The following MAST2 variants were observed in gnomAD, a reference collection of about 807,000 sequenced individuals.
The protein encoded by MAST2 is microtubule associated serine/threonine kinase 2, also known as microtubule-associated serine/threonine-protein kinase 2.
MAST2 carries 70 observed loss-of-function variants against 147.4 expected under a neutral mutation model. The observed-to-expected ratio is 0.47, with a 90% CI of 0.39 to 0.58. MAST2 has a LOEUF of 0.58. Among genes scored for constraint, MAST2 ranks in the 20% least tolerant of loss-of-function variants. The pLI, the probability that MAST2 is intolerant of heterozygous loss-of-function variation, is 0.00. For missense variants in MAST2, 2,080 were observed against 2,302.3 expected, an observed-to-expected ratio of 0.90 and a Z score of 1.98; for synonymous variants, 869 against 896.8, an observed-to-expected ratio of 0.97 and a Z score of 0.55.
intron 6 of MAST2, 104 bp from the exon 7 acceptor site, chr1:46,002,701 C>T: frequency 1.1e-6 from 1 of 910,054 alleles, no homozygotes; most frequent in Non-Finnish European, 1.8e-6. Context: ...AGGAGGAGCC[C>T]TACAGTGAAT....
intron 1 of MAST2, among the ~76,000 whole-genome samples, chr1:45,817,881 A>G (rs148663349): frequency 5.9e-5 from 9 of 152,302 alleles, no homozygotes; most frequent in African/African-American, 1.9e-4. Flanking sequence ...AATAGGAACC[A>G]TTACAATCAA....
intron 3 of MAST2, chr1:45,847,160 A>G (rs1645463650): frequency 2.0e-6 from 1 of 510,626 alleles, no homozygotes; most frequent in Non-Finnish European, 4.0e-6. Context: ...TCTTCAGATC[A>G]AAGTCCCATT....
In MAST2 at chr1:46,028,930, A is replaced by G; in HGVS notation, c.2215A>G (p.Ser739Gly). The G allele has an allele frequency of 1.3e-6, 2 of 1,587,598 alleles. No homozygotes were observed. The highest frequency in any genetic ancestry group is 1.3e-5 in the African/African-American group (1 of 74,288). Reference sequence around the variant, plus strand: ...GGAGGAGCTCTTTGGGCAGGTGATCAGTGGTAGGTACTATGCCCCTGGCCC... The same window carrying G: ...GGAGGAGCTCTTTGGGCAGGTGATCGGTGGTAGGTACTATGCCCCTGGCCC... ...TPEELFGQVI[S>G]DEIVWPEGDE... The change falls in exon 18 of 29, where the codon AGT becomes GGT. Residue 739 changes from serine to glycine, a missense_variant. Transcript: ENST00000361297.
chr1:45,938,839 A>G (rs544256642), intron 4 of MAST2, among the ~76,000 whole-genome samples: 7 of 151,940 alleles, frequency 4.6e-5, no homozygotes, highest in Non-Finnish European at 1.0e-4. Context: ...ATTGTTAGCC[A>G]TTTGTATATC....
rs114282149 is a variant in MAST2 at position 45,824,036 on chromosome 1, T to A, written c.178-397T>A. Among the ~76,000 whole-genome samples, 1,006 of 152,348 alleles carry A rather than the reference T, an allele frequency of 6.6e-3. 11 individuals carry two copies. The highest frequency in any genetic ancestry group is 0.023 in the African/African-American group (970 of 41,584). On this transcript the variant is annotated intron_variant, in intron 1 of 28. Coordinates refer to ENST00000361297, the MANE Select transcript of MAST2 (RefSeq NM_015112.3). ...AATGTTAGAGATATTTCTGACTTTA[T>A]ATGCCAGGTAAAGTCTACCATTTAA...
chr1:45,852,203 T>C (rs1645643587), intron 3 of MAST2, among the ~76,000 whole-genome samples: 2 of 152,292 alleles, frequency 1.3e-5, no homozygotes, highest in African/African-American at 4.8e-5. Context: ...TCTCATCCCA[T>C]GAATAGATTT....
chr1:46,022,242 A>G (rs1395449789), intron 12 of MAST2, among the ~76,000 whole-genome samples, 160 bp downstream of exon 12: 1 of 152,186 alleles, frequency 6.6e-6, no homozygotes, highest in East Asian at 1.9e-4. Context: ...TCTGTGACAA[A>G]ACAGTCTTTA....
At chr1:45,823,952 A>G (rs1415273824) in intron 1 of MAST2, among the ~76,000 whole-genome samples, 2 of 152,156 alleles carry the variant, frequency 1.3e-5, no homozygotes, top group African/African-American at 4.8e-5. Flanking sequence ...GAAAACCTGT[A>G]TTTAGCTCCT....
In MAST2 at chr1:46,022,891, C is replaced by G. The variant is rs1571247201; in HGVS notation, c.1424-19C>G. 6.2e-7 allele frequency: 1 copy of G among 1,607,404 alleles called. No homozygotes were observed. The highest frequency in any genetic ancestry group is 8.5e-7 in the Non-Finnish European group (1 of 1,173,914). ...CTGACATTGCCACGCACATTCTTCT[C>G]TTGTATCTTTGTTTCCAGAAATGGC... On this transcript the variant is annotated intron_variant, in intron 12 of 28. Transcript: ENST00000361297.
chr1:45,997,632 C>T, intron 5 of MAST2, 92 bp from the exon 6 acceptor site: 1 of 856,794 alleles, frequency 1.2e-6, no homozygotes, highest in Non-Finnish European at 2.0e-6. Context: ...CATATAATTG[C>T]CAGTGCTAGG....
chr1:45,862,388 A>G (rs1424430861), intron 3 of MAST2, among the ~76,000 whole-genome samples: 2 of 152,142 alleles, frequency 1.3e-5, no homozygotes, highest in African/African-American at 4.8e-5. Context: ...ACAATAAGGT[A>G]CTACTGAAGA....
At chr1:45,947,499 A>G (rs1205143289) in intron 4 of MAST2, among the ~76,000 whole-genome samples, 1 of 152,168 alleles carries the variant, frequency 6.6e-6, no homozygotes, top group East Asian at 1.9e-4. Context: ...GTTGTTTTAA[A>G]TGCATAGCTG....
At chr1:45,826,563 G>C (rs1314371536) in intron 2 of MAST2, among the ~76,000 whole-genome samples, 1 of 151,966 alleles carries the variant, frequency 6.6e-6, no homozygotes, top group Non-Finnish European at 1.5e-5. Context: ...ATGTTGCCCA[G>C]GCTAGTCTTG....
At chr1:45,989,599 A>T (rs551829646) in intron 5 of MAST2, among the ~76,000 whole-genome samples, 4 of 151,326 alleles carry the variant, frequency 2.6e-5, no homozygotes, top group South Asian at 2.1e-4. Context: ...CAAGGCTTAA[A>T]TTTTTTTTTC....
chr1:45,813,312 C>A (rs1644357603), intron 1 of MAST2, among the ~76,000 whole-genome samples: 1 of 151,776 alleles, frequency 6.6e-6, no homozygotes, highest in African/African-American at 2.4e-5. Context: ...GATGGGGGTC[C>A]CATAAGATTA....
intron 5 of MAST2, among the ~76,000 whole-genome samples, chr1:45,980,162 G>T (rs914695623): frequency 6.7e-6 from 1 of 149,706 alleles, no homozygotes; most frequent in Non-Finnish European, 1.5e-5. Flanking sequence ...GCACACGCCT[G>T]TAATCCCAGC....
At chr1:45,914,397 G>T (rs1652145188) in intron 4 of MAST2, among the ~76,000 whole-genome samples, 1 of 152,144 alleles carries the variant, frequency 6.6e-6, no homozygotes, top group Non-Finnish European at 1.5e-5. Flanking sequence ...TATTAGGTGA[G>T]AATATCAAAG....
intron 4 of MAST2, among the ~76,000 whole-genome samples, chr1:45,893,875 A>G (rs547657383): frequency 6.6e-6 from 1 of 152,178 alleles, no homozygotes; most frequent in Non-Finnish European, 1.5e-5. Flanking sequence ...ACATTTCTCT[A>G]AAAAGGAGAA....
At chr1:46,022,455 C>A (rs1021036772) in intron 12 of MAST2, among the ~76,000 whole-genome samples, 26 of 152,220 alleles carry the variant, frequency 1.7e-4, no homozygotes, top group Admixed American at 1.3e-3. Context: ...GGTAGTCCAA[C>A]ACAGGGCTTC....
Sources: allele counts gnomAD v4.1 joint callset (sites outside exome capture counted in the v4.1 genomes callset), GRCh38; gene constraint gnomAD v4.1.1; transcripts MANE v1.5; gene names NCBI Gene and HGNC (gene_info 2026-07-23, HGNC 2026-07-21).